CREB3L2: variants seen among roughly 807,000 people sequenced by gnomAD.
The protein encoded by CREB3L2 is cyclic AMP-responsive element-binding protein 3-like protein 2.
In CREB3L2, 23 loss-of-function variants were observed where a neutral mutation model predicts 57.2. That is an observed-to-expected ratio of 0.40 (90% CI 0.29 to 0.57). The LOEUF (loss-of-function observed/expected upper bound fraction) is 0.57, where lower values mean the gene tolerates loss of function less well. CREB3L2 is among the 20% of genes least tolerant of loss of function. The pLI, the probability that CREB3L2 is intolerant of heterozygous loss-of-function variation, is 0.42. For missense variants in CREB3L2, 628 were observed against 634.7 expected (o/e 0.99, Z 0.11); for synonymous variants, 268 against 265.1 (o/e 1.01, Z -0.11).
Position 137,880,495 on chromosome 7 carries a change from C to A in CREB3L2, c.1544G>T (p.Arg515Ile), listed in dbSNP as rs374387990. 4 of 1,613,734 alleles carry A rather than the reference C, an allele frequency of 2.5e-6. No homozygotes were observed. The highest frequency in any genetic ancestry group is 3.4e-6 in the Non-Finnish European group (4 of 1,179,788). ...GCCTCTTTAGAAAGTGGTGTTCACT[C>A]TTCTGTCGAGTTCTACAACTTTTAG... ...ETLKVVELDR[R>I]VNTTF is the part of the protein sequence containing the mutation. Residue 515 changes from arginine to isoleucine, a missense_variant, in exon 12 of 12, where the codon AGA (arginine) becomes ATA (isoleucine). Physicochemically the swap from Arg to Ile is moderately conservative, Grantham distance 97. Transcript: ENST00000330387. This position sits in a 1 kb window ranked among gnomAD's most constrained non-coding sequence, Gnocchi z 4.0.
At chr7:137,931,169 C>T (rs1159382414) in intron 1 of CREB3L2, among the ~76,000 whole-genome samples, 1 of 150,454 alleles carries the variant, frequency 6.6e-6, no homozygotes, top group Admixed American at 6.6e-5. Context: ...TAGGTCAAGA[C>T]TATAGTGAAC....
At position 137,879,029 on chromosome 7, in the gene CREB3L2, T is replaced by C; in HGVS notation, c.*1447A>G. ...AAATAAAATACAAACTCTATGCACA[T>C]TTCCTACACAAAATCTTTCCCAAGC... On this transcript the variant is annotated 3_prime_UTR_variant, in exon 12 of 12. Coordinates refer to ENST00000330387, the MANE Select transcript of CREB3L2 (RefSeq NM_194071.4). 2.3e-6 allele frequency: 1 copy of C among 435,542 alleles called. No individual in the cohort carries two copies. Among genetic ancestry groups the C allele is most frequent in the Non-Finnish European group, 4.3e-6 (1 of 232,210 alleles). 27.0% of individuals were successfully genotyped at this position (435,542 alleles called of 1,614,324 possible). A position where few individuals can be genotyped will look rare whatever the true frequency, so the allele number is the denominator to read the frequency against.
At chr7:137,899,104 G>GAA (rs1799692020) in intron 8 of CREB3L2, among the ~76,000 whole-genome samples, 1 of 31,822 alleles carries the variant, frequency 3.1e-5, no homozygotes, top group Non-Finnish European at 7.6e-5. Context: ...AGAGAAGGAA[G>GAA]GAAGGAAGGA....
intron 8 of CREB3L2, among the ~76,000 whole-genome samples, chr7:137,887,695 C>T (rs1045587645): frequency 6.6e-6 from 1 of 151,032 alleles, no homozygotes; most frequent in Non-Finnish European, 1.5e-5. Context: ...GGCAACAGTG[C>T]GAGATTCCGT....
At chr7:137,906,209 C>A (rs1405586569) in intron 5 of CREB3L2, among the ~76,000 whole-genome samples, 1 of 152,222 alleles carries the variant, frequency 6.6e-6, no homozygotes, top group African/African-American at 2.4e-5. Flanking sequence ...GATTCATTTG[C>A]AGCCCTGCTT....
intron 1 of CREB3L2, among the ~76,000 whole-genome samples, chr7:137,981,804 G>A (rs117420812): frequency 1.0e-3 from 152 of 152,336 alleles, no homozygotes; most frequent in Non-Finnish European, 1.7e-3. Flanking sequence ...ACAGCCACTC[G>A]TTTCATGTAT....
intron 2 of CREB3L2, among the ~76,000 whole-genome samples, chr7:137,917,062 T>TG (rs1221180781): frequency 2.6e-5 from 4 of 152,220 alleles, no homozygotes; most frequent in Admixed American, 1.3e-4. Flanking sequence ...TGGGAGACTT[T>TG]GGTTTGTAAT....
At chr7:137,979,356 C>T (rs13235479) in intron 1 of CREB3L2, among the ~76,000 whole-genome samples, 4,874 of 152,314 alleles carry the variant, frequency 0.032, 132 homozygotes, top group Admixed American at 0.046. Context: ...AAATAAAGCA[C>T]AGCAAGGGCG....
intron 8 of CREB3L2, among the ~76,000 whole-genome samples, chr7:137,897,852 T>C (rs1400265635): frequency 6.6e-6 from 1 of 152,228 alleles, no homozygotes; most frequent in East Asian, 1.9e-4. Flanking sequence ...AAATTATTTT[T>C]ACAAGGAGCA....
chr7:137,928,965 C>T (rs1032853009), intron 1 of CREB3L2, among the ~76,000 whole-genome samples: 2 of 152,228 alleles, frequency 1.3e-5, no homozygotes, highest in Non-Finnish European at 2.9e-5. Flanking sequence ...TGACCTACCA[C>T]ATTTTGCACT....
chr7:137,904,408 G>C (rs1799836713), intron 6 of CREB3L2, among the ~76,000 whole-genome samples: 1 of 152,200 alleles, frequency 6.6e-6, no homozygotes, highest in African/African-American at 2.4e-5. Context: ...GCTCTAGCCT[G>C]TAATCCCAGC....
chr7:137,912,359 G>C (rs1454209686), intron 4 of CREB3L2, among the ~76,000 whole-genome samples: 1 of 146,972 alleles, frequency 6.8e-6, no homozygotes, highest in African/African-American at 2.6e-5. Context: ...CCTGGTAACA[G>C]AGTGAGACTC....
intron 11 of CREB3L2, 90 bp downstream of exon 11, chr7:137,882,322 T>C (rs1799310279): frequency 2.1e-6 from 2 of 948,810 alleles, no homozygotes; most frequent in South Asian, 1.5e-5. Flanking sequence ...ACCAGGCCTA[T>C]GGAGAGTCTC....
At chr7:137,913,552 A>G (rs1273837764) in intron 3 of CREB3L2, among the ~76,000 whole-genome samples, 1 of 151,688 alleles carries the variant, frequency 6.6e-6, no homozygotes, top group Non-Finnish European at 1.5e-5. Context: ...AAAGAAAAAC[A>G]CTCAGAACTC....
At chr7:137,894,631 CT>C (rs1799587827) in intron 8 of CREB3L2, among the ~76,000 whole-genome samples, 2 of 152,184 alleles carry the variant, frequency 1.3e-5, no homozygotes, top group South Asian at 4.1e-4. Flanking sequence ...TTCCAGGATC[CT>C]AGGTACTGGA....
chr7:137,984,462 T>C (rs530949975), intron 1 of CREB3L2, among the ~76,000 whole-genome samples: 198 of 152,348 alleles, frequency 1.3e-3, no homozygotes, highest in Non-Finnish European at 2.4e-3. Context: ...GAAGCAGTCA[T>C]CTTGTAGTCA....
chr7:137,916,704 G>C (rs1800141958), intron 2 of CREB3L2, among the ~76,000 whole-genome samples: 1 of 151,510 alleles, frequency 6.6e-6, no homozygotes, highest in African/African-American at 2.4e-5. Context: ...GGGCAACAGA[G>C]TGAGACCCTG....
At chr7:137,921,764 C>T (rs1419364252) in intron 2 of CREB3L2, among the ~76,000 whole-genome samples, 1 of 152,146 alleles carries the variant, frequency 6.6e-6, no homozygotes, top group Non-Finnish European at 1.5e-5. Flanking sequence ...CCTTTTATTC[C>T]TAAGCACAGT....
chr7:137,991,929 C>T (rs914217090), intron 1 of CREB3L2, among the ~76,000 whole-genome samples: 1 of 151,728 alleles, frequency 6.6e-6, no homozygotes, highest in Admixed American at 6.6e-5. Context: ...AAAGCTTTAT[C>T]CTCCAAAGAA....
Sources: allele counts gnomAD v4.1 joint callset (sites outside exome capture counted in the v4.1 genomes callset), GRCh38; gene constraint gnomAD v4.1.1; non-coding constraint Gnocchi (gnomAD v3.1); transcripts MANE v1.5; gene names NCBI Gene and HGNC (gene_info 2026-07-23, HGNC 2026-07-21).